Variants in UQCC1 observed in about 807,000 individuals in gnomAD.
The protein encoded by UQCC1 is bFGF-repressed Zic-binding protein.
In UQCC1, 38 loss-of-function variants were observed where a neutral mutation model predicts 48.0. The ratio of observed to expected loss-of-function variants is 0.79; its 90% CI spans 0.61 to 1.04. The LOEUF is 1.04. UQCC1 is among the 50% of genes least tolerant of loss of function. The pLI is 0.00. For synonymous variants in UQCC1, 111 were observed against 129.2 expected (o/e 0.86, Z 0.95); for missense variants, 368 against 381.8 (o/e 0.96, Z 0.30).
At chr20:35,365,963 A>G (rs1477726620) in intron 6 of UQCC1, among the ~76,000 whole-genome samples, 1 of 152,194 alleles carries the variant, frequency 6.6e-6, no homozygotes, top group Non-Finnish European at 1.5e-5. Flanking sequence ...CCCTGACTTC[A>G]ACGACTCTCC....
At chr20:35,375,492 A>T (rs1481868033) in intron 4 of UQCC1, among the ~76,000 whole-genome samples, 1 of 152,194 alleles carries the variant, frequency 6.6e-6, no homozygotes, top group East Asian at 1.9e-4. Context: ...TAAAAATCAG[A>T]TATCCCTATC....
intron 8 of UQCC1, among the ~76,000 whole-genome samples, chr20:35,314,194 C>T (rs1395370808): frequency 6.6e-6 from 1 of 151,964 alleles, no homozygotes; most frequent in Non-Finnish European, 1.5e-5. Flanking sequence ...GAACTCCTGA[C>T]CTCAAGTGAT....
intron 9 of UQCC1, among the ~76,000 whole-genome samples, chr20:35,305,375 C>T (rs1213952604): frequency 1.3e-5 from 2 of 152,218 alleles, no homozygotes; most frequent in South Asian, 4.1e-4. Flanking sequence ...GTTGTGGCAG[C>T]CCCTTCCTAG....
At chr20:35,403,360 T>C (rs958474903) in intron 1 of UQCC1, among the ~76,000 whole-genome samples, 5 of 152,162 alleles carry the variant, frequency 3.3e-5, no homozygotes, top group Non-Finnish European at 5.9e-5. Flanking sequence ...CATATATATA[T>C]TTCCTACCCA....
intron 1 of UQCC1, among the ~76,000 whole-genome samples, chr20:35,397,967 T>C (rs1327620672): frequency 6.6e-6 from 1 of 152,230 alleles, no homozygotes; most frequent in Non-Finnish European, 1.5e-5. Context: ...TTTACATATA[T>C]GAACTCATTT....
At position 35,399,723 on chromosome 20, in the gene UQCC1, G is replaced by A. The variant is rs968206065; in HGVS notation, c.25-5527C>T. 8.6e-5 allele frequency among the ~76,000 whole-genome samples: 13 copies of A among 151,780 alleles called. 1 individual carries two copies. Among genetic ancestry groups the A allele is most frequent in the Admixed American group, 7.9e-4 (12 of 15,222 alleles). ...AATACAAAAATTAGCCGGGCGTGGT[G>A]GCAGGTGCCTGTAATCCCAGCTACT... On this transcript the variant is annotated intron_variant, in intron 1 of 9. Transcript: ENST00000374385.
At chr20:35,339,510 C>T (rs1263841391) in intron 7 of UQCC1, among the ~76,000 whole-genome samples, 1 of 152,196 alleles carries the variant, frequency 6.6e-6, no homozygotes, top group Non-Finnish European at 1.5e-5. Context: ...TAAAAGAACA[C>T]AGCACACTTA....
At chr20:35,410,716 A>AAAAAAAAAAAAAAC (rs1370852913) in intron 1 of UQCC1, among the ~76,000 whole-genome samples, 7 of 108,724 alleles carry the variant, frequency 6.4e-5, no homozygotes, top group African/African-American at 2.3e-4. Flanking sequence ...AAAAAAAAAA[A>AAAAAAAAAAAAAAC]AAAAAAAACA....
Position 35,343,567 on chromosome 20 carries a change from A to C in UQCC1, c.573+3597T>G, listed in dbSNP as rs1002906083. Among the ~76,000 whole-genome samples the C allele has an allele frequency of 9.8e-5, 15 of 152,358 alleles. 1 individual carries two copies. Among genetic ancestry groups the C allele is most frequent in the Admixed American group, 9.8e-4 (15 of 15,300 alleles). On this transcript the variant is annotated intron_variant, in intron 7 of 9. Transcript: ENST00000374385. ...TGTCTATTTATGCCATGAGGTTAGAAAGAAGGTATCAAGTCAACTATAGCA... is the reference window on the plus strand; with the variant it reads ...TGTCTATTTATGCCATGAGGTTAGACAGAAGGTATCAAGTCAACTATAGCA...
At chr20:35,384,214 T>C in intron 2 of UQCC1, 81 bp from the exon 3 acceptor site, 1 of 1,260,766 alleles carries the variant, frequency 7.9e-7, no homozygotes, top group Non-Finnish European at 1.1e-6. Flanking sequence ...AAGTAAAGAC[T>C]ATAGGATCTT....
intron 7 of UQCC1, among the ~76,000 whole-genome samples, chr20:35,339,433 A>G (rs1336522260): frequency 6.6e-6 from 1 of 152,216 alleles, no homozygotes; most frequent in Non-Finnish European, 1.5e-5. Context: ...TGTGTCTTAT[A>G]GTGCCATGAG....
At chr20:35,368,028 TA>T (rs1043009265) in intron 5 of UQCC1, among the ~76,000 whole-genome samples, 2 of 151,950 alleles carry the variant, frequency 1.3e-5, no homozygotes, top group Non-Finnish European at 2.9e-5. Flanking sequence ...CCTTATTACA[TA>T]ACAGGGAGAA....
chr20:35,341,773 A>G (rs1213967959), intron 7 of UQCC1, among the ~76,000 whole-genome samples: 1 of 152,196 alleles, frequency 6.6e-6, no homozygotes, highest in African/African-American at 2.4e-5. Context: ...ATCTAGGTGT[A>G]TGCATGGAGT....
Position 35,394,087 on chromosome 20 carries a change from C to T in UQCC1, c.129+5G>A. The T allele has an allele frequency of 6.2e-7, 1 of 1,612,244 alleles. No homozygotes were observed. The highest frequency in any genetic ancestry group is 8.5e-7 in the Non-Finnish European group (1 of 1,178,414). ...CATACTAAGCAAAAGAACAACAAAT[C>T]TTACCTGGGAAGTGCGAGACAGAGC... On this transcript the variant is annotated splice_donor_5th_base_variant and intron_variant, in intron 2 of 9. Transcript: ENST00000374385.
At chr20:35,326,987 C>A (rs929834960) in intron 7 of UQCC1, among the ~76,000 whole-genome samples, 7 of 152,160 alleles carry the variant, frequency 4.6e-5, no homozygotes, top group African/African-American at 7.2e-5. Flanking sequence ...CCTAGAGGAT[C>A]TAAAGGCAAC....
intron 6 of UQCC1, among the ~76,000 whole-genome samples, chr20:35,362,310 AC>A (rs2061615018): frequency 6.6e-6 from 1 of 152,210 alleles, no homozygotes; most frequent in Non-Finnish European, 1.5e-5. Context: ...TAGTAAAGGC[AC>A]CATAGGTCAC....
At chr20:35,345,514 A>G (rs771554706) in intron 7 of UQCC1, 7 of 152,214 alleles carry the variant, frequency 4.6e-5, no homozygotes, top group African/African-American at 7.2e-5. Context: ...TTTTTTCTCT[A>G]TATTACACAG....
intron 1 of UQCC1, among the ~76,000 whole-genome samples, chr20:35,408,660 TG>T (rs1327392986): frequency 6.6e-6 from 1 of 151,332 alleles, no homozygotes; most frequent in African/African-American, 2.4e-5. Context: ...AAGGCCAGCC[TG>T]GGCAACATAA....
chr20:35,390,421 CAAAA>C (rs200508947), intron 2 of UQCC1, among the ~76,000 whole-genome samples: 1 of 69,498 alleles, frequency 1.4e-5, no homozygotes, highest in African/African-American at 5.4e-5. Flanking sequence ...AACTCCGTCT[CAAAA>C]AAAAAAAAAA....
Sources: gnomAD v4.1 joint callset for allele counts (sites outside exome capture counted in the v4.1 genomes callset) on GRCh38, gnomAD v4.1.1 for gene constraint, MANE v1.5 for transcripts, NCBI Gene and HGNC (gene_info 2026-07-23, HGNC 2026-07-21) for gene names.